The following DENND2A variants were observed in gnomAD, a reference collection of about 807,000 sequenced individuals.
DENND2A encodes DENN domain-containing protein 2A.
DENND2A carries 53 observed loss-of-function variants against 105.3 expected under a neutral mutation model. That is an observed-to-expected ratio of 0.50 (90% CI 0.40 to 0.63). DENND2A has a LOEUF of 0.63. Among genes scored for constraint, DENND2A ranks in the 30% least tolerant of loss-of-function variants. The pLI, the probability that DENND2A is intolerant of heterozygous loss-of-function variation, is 0.00. For synonymous variants in DENND2A, 522 were observed against 508.4 expected, an observed-to-expected ratio of 1.03 and a Z score of -0.36; for missense variants, 1,138 against 1,279.6, an observed-to-expected ratio of 0.89 and a Z score of 1.69.
intron 14 of DENND2A, among the ~76,000 whole-genome samples, chr7:140,542,848 G>A (rs1247901862): frequency 6.6e-6 from 1 of 152,046 alleles, no homozygotes; most frequent in African/African-American, 2.4e-5. Flanking sequence ...TTACAGTCAT[G>A]AGCCACCGCG....
Position 140,542,246 on chromosome 7 carries a change from C to G in DENND2A, c.2327+2372G>C, listed in dbSNP as rs534672127. On this transcript the variant is annotated intron_variant, in intron 14 of 19. Transcript: ENST00000496613. ...TCAAAAATGAGCTTCTTTTTAGAAG[C>G]TCAGAACGAACCCAAGTCCTTGTCT... 9.2e-5 allele frequency among the ~76,000 whole-genome samples: 14 copies of G among 152,286 alleles called. No homozygotes were observed. In the East Asian group the frequency reaches 2.3e-3, roughly 25 times the overall value.
intron 19 of DENND2A, among the ~76,000 whole-genome samples, chr7:140,518,964 C>G (rs1795756144): frequency 6.6e-6 from 1 of 152,140 alleles, no homozygotes; most frequent in African/African-American, 2.4e-5. Flanking sequence ...TCAGAGCTGT[C>G]TAGGAGGGCT....
intron 1 of DENND2A, among the ~76,000 whole-genome samples, chr7:140,617,550 A>G (rs555244564): frequency 6.6e-6 from 1 of 152,204 alleles, no homozygotes; most frequent in Non-Finnish European, 1.5e-5. Context: ...AACCGTCTCT[A>G]CAAAAATACA....
At chr7:140,574,262 G>A (rs1390508306) in intron 5 of DENND2A, among the ~76,000 whole-genome samples, 4 of 151,956 alleles carry the variant, frequency 2.6e-5, no homozygotes, top group African/African-American at 9.7e-5. Flanking sequence ...TCTGTCACCC[G>A]GGCTGGAGTG....
intron 4 of DENND2A, among the ~76,000 whole-genome samples, chr7:140,586,368 C>A (rs76229956): frequency 0.046 from 1,829 of 39,596 alleles, 33 homozygotes; most frequent in African/African-American, 0.27. Flanking sequence ...AAAAAGAAAA[C>A]ACACACACAC....
At chr7:140,533,554 C>T (rs972563574) in intron 14 of DENND2A, among the ~76,000 whole-genome samples, 4 of 152,126 alleles carry the variant, frequency 2.6e-5, no homozygotes, top group African/African-American at 7.2e-5. Flanking sequence ...CCAGCAATGC[C>T]GGTGCTAGAT....
intron 1 of DENND2A, among the ~76,000 whole-genome samples, chr7:140,637,658 G>A (rs566687954): frequency 6.6e-6 from 1 of 152,320 alleles, no homozygotes; most frequent in East Asian, 1.9e-4. Flanking sequence ...GCCCTGGGAA[G>A]TGGACTTGCC....
At position 140,559,881 on chromosome 7, in the gene DENND2A, G is replaced by A; in HGVS notation, c.1780-64C>T. On this transcript the variant is annotated intron_variant, in intron 9 of 19. Coordinates refer to ENST00000496613, the MANE Select transcript of DENND2A (RefSeq NM_015689.5). The surrounding 1 kb of genome is among the most constrained non-coding windows in gnomAD (Gnocchi z 4.1). The stretch of plus-strand genomic sequence containing the variant: ...CTCAGCATGGGAAATTGAGGCGGAT[G>A]ATGGTAAGGATGGCCTCTCCCACCT... The A allele has an allele frequency of 8.5e-7, 1 of 1,176,530 alleles. No homozygotes were observed. The highest frequency in any genetic ancestry group is 2.4e-5 in the East Asian group (1 of 41,850). The allele number at this position is 1,176,530 out of a possible 1,614,324, so 72.9% of individuals were successfully genotyped here. A position where few individuals can be genotyped will look rare whatever the true frequency, so the allele number is the denominator to read the frequency against.
chr7:140,604,723 A>G (rs966842540), intron 2 of DENND2A, among the ~76,000 whole-genome samples: 1 of 152,230 alleles, frequency 6.6e-6, no homozygotes, highest in African/African-American at 2.4e-5. Flanking sequence ...TAGGAGCTAA[A>G]TACATGGGCT....
intron 1 of DENND2A, among the ~76,000 whole-genome samples, chr7:140,627,508 T>G (rs1800577612): frequency 6.7e-6 from 1 of 148,402 alleles, no homozygotes; most frequent in African/African-American, 2.5e-5. Flanking sequence ...CCGGCCTATT[T>G]TTATTTTTAA....
intron 10 of DENND2A, among the ~76,000 whole-genome samples, 172 bp from the exon 11 acceptor site, chr7:140,558,384 A>G (rs1797467059): frequency 6.6e-6 from 1 of 152,200 alleles, no homozygotes; most frequent in Non-Finnish European, 1.5e-5. Flanking sequence ...CTGGTCACCC[A>G]TAGCTTCATA....
chr7:140,575,917 T>C (rs269224), intron 5 of DENND2A, among the ~76,000 whole-genome samples: 78,936 of 150,604 alleles, frequency 0.52, 23,398 homozygotes, highest in African/African-American at 0.81. Flanking sequence ...TGCAGTGAGC[T>C]GAGATCACAC....
At chr7:140,586,026 C>T (rs1159216912) in intron 4 of DENND2A, among the ~76,000 whole-genome samples, 1 of 152,124 alleles carries the variant, frequency 6.6e-6, no homozygotes, top group Admixed American at 6.6e-5. Context: ...GATATCACTG[C>T]ATGGCATTCC....
At chr7:140,548,786 T>C (rs1298487573) in intron 12 of DENND2A, among the ~76,000 whole-genome samples, 1 of 151,234 alleles carries the variant, frequency 6.6e-6, no homozygotes, top group Non-Finnish European at 1.5e-5. Flanking sequence ...GCTAATTTTG[T>C]AGTTTTAGTA....
At chr7:140,566,955 A>T (rs1797863690) in intron 9 of DENND2A, 131 bp downstream of exon 9, 2 of 807,890 alleles carry the variant, frequency 2.5e-6, no homozygotes, top group Non-Finnish European at 1.9e-6. Flanking sequence ...GATATACCCT[A>T]ATTAGGACCC....
At position 140,586,041 on chromosome 7, in the gene DENND2A, C is replaced by T. The variant is rs186389204; in HGVS notation, c.1124-331G>A. On this transcript the variant is annotated intron_variant, in intron 4 of 19. Transcript: ENST00000496613. ...GATATCACTGCATGGCATTCCCCGG[C>T]TCTAAAGGTGAACAAATGACCTTGG... Among the ~76,000 whole-genome samples the T allele has an allele frequency of 9.9e-5, 15 of 152,250 alleles. No homozygotes were observed. The East Asian group carries it at 1.4e-3, about 14-fold the overall frequency.
intron 1 of DENND2A, among the ~76,000 whole-genome samples, chr7:140,622,716 A>T (rs1195017602): frequency 1.3e-5 from 2 of 151,806 alleles, no homozygotes; most frequent in African/African-American, 4.9e-5. Context: ...GACACTGAAT[A>T]CTTTTTCCTT....
In DENND2A at chr7:140,559,155, T is replaced by C. The variant is rs984801189; in HGVS notation, c.1889+553A>G. 2.6e-5 allele frequency among the ~76,000 whole-genome samples: 4 copies of C among 152,150 alleles called. No individual in the cohort carries two copies. The highest frequency in any genetic ancestry group is 9.6e-5 in the African/African-American group (4 of 41,452). On this transcript the variant is annotated intron_variant, in intron 10 of 19. Transcript: ENST00000496613. This position sits in a 1 kb window ranked among gnomAD's most constrained non-coding sequence, Gnocchi z 4.1. ...GGACAGTTCTGTGCCCCTCTTGGAA[T>C]TGCCCTGGGGCAGCTCTCTCAGGGC... is the stretch of plus-strand genomic sequence containing the variant.
At chr7:140,548,191 C>T (rs1209091588) in intron 12 of DENND2A, among the ~76,000 whole-genome samples, 2 of 151,844 alleles carry the variant, frequency 1.3e-5, no homozygotes, top group African/African-American at 4.8e-5. Flanking sequence ...TCCTGAGTAG[C>T]TGAGACTACA....
Sources: allele counts gnomAD v4.1 joint callset (sites outside exome capture counted in the v4.1 genomes callset), GRCh38; gene constraint gnomAD v4.1.1; non-coding constraint Gnocchi (gnomAD v3.1); transcripts MANE v1.5; gene names NCBI Gene and HGNC (gene_info 2026-07-23, HGNC 2026-07-21).